GRIP2: variants seen among roughly 807,000 people sequenced by gnomAD.
GRIP2 encodes glutamate receptor interacting protein 2.
GRIP2 carries 58 observed loss-of-function variants against 108.3 expected under a neutral mutation model. The ratio of observed to expected loss-of-function variants is 0.54; its 90% CI spans 0.43 to 0.67. The LOEUF is 0.67. Ranked by LOEUF, GRIP2 falls within the 30% of genes least tolerant of loss-of-function variation. GRIP2 has a pLI of 0.00. For missense variants in GRIP2, 1,278 were observed against 1,430.6 expected, an observed-to-expected ratio of 0.89 and a Z score of 1.72; for synonymous variants, 586 against 598.2, an observed-to-expected ratio of 0.98 and a Z score of 0.30.
At position 14,496,598 on chromosome 3, in the gene GRIP2, G is replaced by C. The variant is rs1056541351; in HGVS notation, c.2680-38C>G. On this transcript the variant is annotated intron_variant, in intron 21 of 23. Transcript: ENST00000621039. ...CGGCCTTTCTTTCAGATGCTTGTTG[G>C]CTTGCCCCATCAGGCAGTCAGCATC... is the stretch of plus-strand genomic sequence containing the variant. 4 of 1,574,902 alleles carry C rather than the reference G, an allele frequency of 2.5e-6. No homozygotes were observed. The South Asian group carries it at 4.6e-5, about 18-fold the overall frequency.
chr3:14,593,209 T>C, the GRIP2 span, among the ~76,000 whole-genome samples: 1 of 152,226 alleles, frequency 6.6e-6, no homozygotes, highest in Non-Finnish European at 1.5e-5. Context: ...ACAGTATTTG[T>C]CTCTGCTTTT....
the GRIP2 span, among the ~76,000 whole-genome samples, chr3:14,565,063 C>T: frequency 2.0e-5 from 3 of 152,212 alleles, no homozygotes; most frequent in African/African-American, 7.2e-5. Context: ...GTCTCTGTGC[C>T]AGGGGGTCTG....
intron 1 of GRIP2, among the ~76,000 whole-genome samples, chr3:14,550,381 G>A (rs578147782): frequency 2.0e-5 from 3 of 152,176 alleles, no homozygotes; most frequent in Non-Finnish European, 2.9e-5. Flanking sequence ...CCAAGCCCTC[G>A]GCACCTCTCA....
At chr3:14,537,899 G>A (rs928435990) in intron 1 of GRIP2, among the ~76,000 whole-genome samples, 4 of 152,220 alleles carry the variant, frequency 2.6e-5, no homozygotes, top group African/African-American at 7.2e-5. Context: ...CAGGCCTCCC[G>A]TCCTCAAGGC....
rs192862149 is a variant in GRIP2, at chr3:14,512,879, C to T, written c.1640-22G>A. 1 of 1,611,420 alleles carries T rather than the reference C, an allele frequency of 6.2e-7. No homozygotes were observed. Among genetic ancestry groups the T allele is most frequent in the Non-Finnish European group, 8.5e-7 (1 of 1,177,778 alleles). On this transcript the variant is annotated intron_variant, in intron 13 of 23. Coordinates refer to ENST00000621039, the MANE Select transcript of GRIP2 (RefSeq NM_001080423.4). The surrounding 1 kb of genome is among the most constrained non-coding windows in gnomAD (Gnocchi z 5.1). ...GACTCTGGGGGTAGATGGACATAAA[C>T]CGACGTGAGGACCCAGAGGAGGAGC...
At chr3:14,536,076 T>C (rs1694827217) in intron 1 of GRIP2, among the ~76,000 whole-genome samples, 1 of 152,194 alleles carries the variant, frequency 6.6e-6, no homozygotes, top group South Asian at 2.1e-4. Flanking sequence ...AAGCACGTTT[T>C]TCAGGGAGAC....
chr3:14,489,845 C>T lies in GRIP2; in HGVS notation c.*3820G>A, dbSNP rs934175679. The T allele has an allele frequency of 1.3e-5, 2 of 152,084 alleles. No homozygotes were observed. The highest frequency in any genetic ancestry group is 2.9e-5 in the Non-Finnish European group (2 of 68,028). 9.4% of individuals were successfully genotyped at this position (152,084 alleles called of 1,614,324 possible). A position where few individuals can be genotyped will look rare whatever the true frequency, so the allele number is the denominator to read the frequency against. ...GGGGAAAGGGTAGAGGGGGAGCAAA[C>T]CTGATTGCCCTTCTCCCACTCCCCC... On this transcript the variant is annotated 3_prime_UTR_variant, in exon 24 of 24. Transcript: ENST00000621039.
intron 17 of GRIP2, 127 bp downstream of exon 17, chr3:14,509,693 C>A: frequency 1.0e-6 from 1 of 980,826 alleles, no homozygotes; most frequent in East Asian, 3.2e-5. Flanking sequence ...AAGTGACTGG[C>A]CCAATGTCAC....
At chr3:14,599,188 G>T in the GRIP2 span, among the ~76,000 whole-genome samples, 1 of 152,258 alleles carries the variant, frequency 6.6e-6, no homozygotes. Flanking sequence ...GTAAATATTT[G>T]TTGCATGAAT....
At chr3:14,535,199 C>T (rs1559350131) in intron 1 of GRIP2, among the ~76,000 whole-genome samples, 1 of 152,262 alleles carries the variant, frequency 6.6e-6, no homozygotes, top group East Asian at 1.9e-4. Flanking sequence ...GCCAGCTTCG[C>T]CCCACCATGG....
At position 14,511,388 on chromosome 3, in the gene GRIP2, C is replaced by T; in HGVS notation, c.1787+25G>A. On this transcript the variant is annotated intron_variant, in intron 15 of 23. Coordinates refer to ENST00000621039, the MANE Select transcript of GRIP2 (RefSeq NM_001080423.4). The surrounding 1 kb of genome is among the most constrained non-coding windows in gnomAD (Gnocchi z 4.1). The stretch of plus-strand genomic sequence containing the variant: ...CATACTCACTGCTGTTGGCCACTTC[C>T]CTTCCTGTGCCCCAGTGCCCCTACC... 6.2e-7 allele frequency: 1 copy of T among 1,613,992 alleles called. No homozygotes were observed. The highest frequency in any genetic ancestry group is 8.5e-7 in the Non-Finnish European group (1 of 1,179,868).
chr3:14,505,641 C>T lies in GRIP2; in HGVS notation c.2547G>A (p.Glu849=), dbSNP rs1388003667. 4 of 1,610,458 alleles carry T rather than the reference C, an allele frequency of 2.5e-6. No individual in the cohort carries two copies. In the Admixed American group the frequency reaches 6.7e-5, roughly 27 times the overall value. ...TCGTTGGCGGCTCCCAATCATCCTC[C>T]TCCTCCTCCTCTGGAAAGCTCTCGT... The part of the protein sequence containing the change: ...PADESFPEEE[E]EDDWEPPTSP... The change falls in exon 20 of 24, where the codon GAG becomes GAA. Residue 849 remains glutamate (E), a synonymous_variant. Transcript: ENST00000621039. The surrounding 1 kb of genome is among the most constrained non-coding windows in gnomAD (Gnocchi z 4.2).
rs566408986 is a variant in GRIP2 at position 14,522,708 on chromosome 3, G to A, written c.566+292C>T. Reference sequence around the variant, plus strand: ...AACTCTTAGGGACCATTCCACAGACGGGAAAACCAAGGAGCAGGAAAGGGA... The same window carrying A: ...AACTCTTAGGGACCATTCCACAGACAGGAAAACCAAGGAGCAGGAAAGGGA... On this transcript the variant is annotated intron_variant, in intron 6 of 23. Transcript: ENST00000621039. The surrounding 1 kb of genome is among the most constrained non-coding windows in gnomAD (Gnocchi z 4.3). 3.2e-5 allele frequency: 13 copies of A among 400,008 alleles called. No homozygotes were observed. The highest frequency in any genetic ancestry group is 1.3e-4 in the African/African-American group (6 of 47,776). 24.8% of individuals were successfully genotyped at this position (400,008 alleles called of 1,614,324 possible).
chr3:14,579,067 A>G, the GRIP2 span, among the ~76,000 whole-genome samples: 5 of 152,118 alleles, frequency 3.3e-5, no homozygotes, highest in Admixed American at 6.5e-5. Context: ...ACCCACACAA[A>G]TGCCCACCAA....
At chr3:14,569,947 G>A in the GRIP2 span, among the ~76,000 whole-genome samples, 1 of 152,128 alleles carries the variant, frequency 6.6e-6, no homozygotes, top group Non-Finnish European at 1.5e-5. Flanking sequence ...TTTGCACGAG[G>A]ACTATAATTA....
the GRIP2 span, among the ~76,000 whole-genome samples, chr3:14,576,006 G>A: frequency 1.1e-4 from 16 of 152,368 alleles, no homozygotes; most frequent in Admixed American, 2.6e-4. Flanking sequence ...AGGCAGCCAT[G>A]GCCAGTGCTG....
intron 11 of GRIP2, 108 bp from the exon 12 acceptor site, chr3:14,514,586 G>T: frequency 8.6e-7 from 1 of 1,160,012 alleles, no homozygotes; most frequent in Non-Finnish European, 1.2e-6. Flanking sequence ...GTGCAAGGAA[G>T]TGGGAGCCCT....
intron 21 of GRIP2, among the ~76,000 whole-genome samples, chr3:14,497,133 A>G (rs995409261): frequency 2.6e-5 from 4 of 151,854 alleles, no homozygotes; most frequent in African/African-American, 9.7e-5. Flanking sequence ...AGCTAATTTT[A>G]TATTTTCTTT....
chr3:14,573,490 G>C, the GRIP2 span: 1 of 1,546,776 alleles, frequency 6.5e-7, no homozygotes, highest in Non-Finnish European at 8.9e-7. Flanking sequence ...TTGAGGAAAG[G>C]CAGGAGCCCA....
Sources: gnomAD v4.1 joint callset for allele counts (sites outside exome capture counted in the v4.1 genomes callset) on GRCh38, gnomAD v4.1.1 for gene constraint, Gnocchi (gnomAD v3.1) non-coding constraint, MANE v1.5 for transcripts, NCBI Gene and HGNC (gene_info 2026-07-23, HGNC 2026-07-21) for gene names.